Variants in TANC1 observed in about 807,000 individuals in gnomAD.
TANC1 encodes tetratricopeptide repeat, ankyrin repeat and coiled-coil containing 1, also known as protein TANC1.
In TANC1, 77 loss-of-function variants were observed where a neutral mutation model predicts 149.7. The ratio of observed to expected loss-of-function variants is 0.51; its 90% CI spans 0.43 to 0.62. TANC1 has a LOEUF of 0.62. TANC1 is among the 20% of genes least tolerant of loss of function. The pLI is 0.00. For synonymous variants in TANC1, 854 were observed against 925.0 expected (o/e 0.92, Z 1.39); for missense variants, 1,985 against 2,321.8 (o/e 0.85, Z 2.98).
chr2:159,116,454 CAAAAA>C (rs779142844), intron 4 of TANC1, among the ~76,000 whole-genome samples: 4 of 140,408 alleles, frequency 2.8e-5, no homozygotes, highest in Non-Finnish European at 4.7e-5. Flanking sequence ...ACAACAACAA[CAAAAA>C]AAAAAAAACA....
intron 8 of TANC1, 109 bp downstream of exon 8, chr2:159,163,655 G>A (rs2054280885): frequency 2.1e-5 from 26 of 1,267,458 alleles, no homozygotes; most frequent in Non-Finnish European, 2.6e-5. Flanking sequence ...CTTCGTGGCC[G>A]TGGGTCAGGC....
chr2:159,175,477 C>T (rs2055751024), intron 12 of TANC1, among the ~76,000 whole-genome samples: 3 of 152,192 alleles, frequency 2.0e-5, no homozygotes, highest in Admixed American at 1.3e-4. Context: ...AGGTGACTTG[C>T]ACCACAGAAG....
At chr2:158,977,732 T>A (rs1440259045) in intron 1 of TANC1, among the ~76,000 whole-genome samples, 1 of 152,040 alleles carries the variant, frequency 6.6e-6, no homozygotes, top group Non-Finnish European at 1.5e-5. Flanking sequence ...ATACCTGATA[T>A]AAGGACAGAT....
At chr2:159,081,498 G>A (rs1213682536) in intron 3 of TANC1, among the ~76,000 whole-genome samples, 1 of 151,976 alleles carries the variant, frequency 6.6e-6, no homozygotes, top group Non-Finnish European at 1.5e-5. Flanking sequence ...CGAAGATGGG[G>A]TCTACCCTCT....
At chr2:159,177,939 A>G (rs1411491049) in intron 13 of TANC1, among the ~76,000 whole-genome samples, 1 of 152,232 alleles carries the variant, frequency 6.6e-6, no homozygotes, top group Admixed American at 6.5e-5. Context: ...TTTGTACACA[A>G]ATCATATGTT....
chr2:159,063,775 C>A (rs2042436018), intron 2 of TANC1, among the ~76,000 whole-genome samples: 1 of 152,036 alleles, frequency 6.6e-6, no homozygotes, highest in Non-Finnish European at 1.5e-5. Flanking sequence ...AGCTGAGTGC[C>A]CCAAAATAGG....
At position 159,103,607 on chromosome 2, in the gene TANC1, A is replaced by C. The variant is rs143922451; in HGVS notation, c.259+5773A>C. Among the ~76,000 whole-genome samples the C allele has an allele frequency of 1.3e-3, 122 of 97,146 alleles. 31 individuals carry two copies. The East Asian group carries it at 0.018, about 14-fold the overall frequency. The allele number at this position is 97,146 out of a possible 152,430, so 63.7% of individuals were successfully genotyped here. ...GCTGAGTCAGATCAAGTTCATGGTC[A>C]GAAAAACATTCAGTTGGCTCCCAGT... On this transcript the variant is annotated intron_variant, in intron 4 of 26. Coordinates refer to ENST00000263635, the MANE Select transcript of TANC1 (RefSeq NM_033394.3).
chr2:159,199,056 A>G lies in TANC1; in HGVS notation c.3244+3A>G, dbSNP rs1340358200. ...CGACACATTGTGGGGAGAAACAGGT[A>G]ATTATAATGCCACTGCTTGTAGTCT... On this transcript the variant is annotated splice_donor_region_variant and intron_variant, in intron 19 of 26. Coordinates refer to ENST00000263635, the MANE Select transcript of TANC1 (RefSeq NM_033394.3). The G allele has an allele frequency of 6.2e-7, 1 of 1,611,688 alleles. No individual in the cohort carries two copies. Among genetic ancestry groups the G allele is most frequent in the Non-Finnish European group, 8.5e-7 (1 of 1,177,834 alleles).
At chr2:158,975,302 G>T (rs185218494) in intron 1 of TANC1, among the ~76,000 whole-genome samples, 1 of 152,012 alleles carries the variant, frequency 6.6e-6, no homozygotes, top group Admixed American at 6.6e-5. Flanking sequence ...GGGTGTGGAG[G>T]GGGGTGACTG....
At chr2:159,150,694 A>G in intron 7 of TANC1, 138 bp downstream of exon 7, 1 of 634,516 alleles carries the variant, frequency 1.6e-6, no homozygotes, top group South Asian at 1.9e-5. Flanking sequence ...TGCAGGCAGC[A>G]CTGACTCCAT....
intron 16 of TANC1, among the ~76,000 whole-genome samples, chr2:159,191,373 G>A (rs1209300697): frequency 6.6e-6 from 1 of 152,168 alleles, no homozygotes. Flanking sequence ...GATAGAGAGG[G>A]CCTGGGTGCA....
intron 7 of TANC1, among the ~76,000 whole-genome samples, chr2:159,151,332 G>A (rs768924680): frequency 7.9e-5 from 12 of 152,234 alleles, no homozygotes; most frequent in Non-Finnish European, 1.5e-4. Flanking sequence ...TCCAGTGTCT[G>A]TGTGACTCAG....
At chr2:159,178,407 T>G (rs1000649765) in intron 13 of TANC1, 149 bp from the exon 14 acceptor site, 3 of 905,098 alleles carry the variant, frequency 3.3e-6, no homozygotes, top group Non-Finnish European at 4.9e-6. Flanking sequence ...CACCTTATCC[T>G]ATTACACGTT....
At chr2:159,002,858 G>C (rs2036749563) in intron 2 of TANC1, among the ~76,000 whole-genome samples, 1 of 152,124 alleles carries the variant, frequency 6.6e-6, no homozygotes, top group South Asian at 2.1e-4. Flanking sequence ...TAATAATTTT[G>C]AATAAATAAA....
At chr2:159,099,358 A>G (rs1341938495) in intron 4 of TANC1, among the ~76,000 whole-genome samples, 3 of 152,002 alleles carry the variant, frequency 2.0e-5, no homozygotes, top group Admixed American at 1.3e-4. Context: ...CCTTCAAATC[A>G]TAGTTCCCAC....
intron 3 of TANC1, among the ~76,000 whole-genome samples, chr2:159,078,738 C>G (rs2043947410): frequency 6.6e-6 from 1 of 152,172 alleles, no homozygotes; most frequent in South Asian, 2.1e-4. Flanking sequence ...TTTCTGGAAG[C>G]AGCATCTTAA....
intron 1 of TANC1, among the ~76,000 whole-genome samples, chr2:158,986,058 A>G (rs1233811387): frequency 6.6e-6 from 1 of 152,148 alleles, no homozygotes; most frequent in African/African-American, 2.4e-5. Flanking sequence ...TTACAAGTAA[A>G]CAGCTTAGGT....
intron 2 of TANC1, among the ~76,000 whole-genome samples, chr2:159,038,287 T>A (rs1219820615): frequency 5.3e-5 from 8 of 152,224 alleles, no homozygotes; most frequent in Admixed American, 3.3e-4. Flanking sequence ...TATACACTCA[T>A]GTCATCTGCA....
intron 3 of TANC1, among the ~76,000 whole-genome samples, chr2:159,095,631 G>A (rs566512446): frequency 6.5e-4 from 98 of 151,324 alleles, no homozygotes; most frequent in African/African-American, 2.0e-3. Flanking sequence ...AGCTACTCAG[G>A]AGGCTGAAGC....
Sources: allele counts gnomAD v4.1 joint callset (sites outside exome capture counted in the v4.1 genomes callset), GRCh38; gene constraint gnomAD v4.1.1; transcripts MANE v1.5; gene names NCBI Gene and HGNC (gene_info 2026-07-23, HGNC 2026-07-21).